The following PARD3B variants were observed in gnomAD, a reference collection of about 807,000 sequenced individuals.
PARD3B encodes the protein partitioning defective 3 homolog B.
A neutral mutation model predicts 130.2 loss-of-function variants in PARD3B; 103 were observed. That is an observed-to-expected ratio of 0.79 (90% CI 0.67 to 0.93). The LOEUF (loss-of-function observed/expected upper bound fraction) is 0.93. Ranked by LOEUF, PARD3B falls within the 40% of genes least tolerant of loss-of-function variation. The pLI is 0.00. For missense variants in PARD3B, 1,609 were observed against 1,499.2 expected, an observed-to-expected ratio of 1.07 and a Z score of -1.21; for synonymous variants, 583 against 553.2, an observed-to-expected ratio of 1.05 and a Z score of -0.76.
At chr2:205,290,358 A>G (rs2041562017) in intron 16 of PARD3B, among the ~76,000 whole-genome samples, 1 of 152,314 alleles carries the variant, frequency 6.6e-6, no homozygotes, top group South Asian at 2.1e-4. Flanking sequence ...GAGGCAGCAA[A>G]GAAAATGGGA....
At chr2:205,016,159 A>C (rs578126196) in intron 3 of PARD3B, among the ~76,000 whole-genome samples, 106 of 152,330 alleles carry the variant, frequency 7.0e-4, no homozygotes, top group Middle Eastern at 3.4e-3. Context: ...ATATTTTAAA[A>C]TATAAAAGGC....
At chr2:205,205,004 A>G (rs1392532405) in intron 15 of PARD3B, among the ~76,000 whole-genome samples, 1 of 152,186 alleles carries the variant, frequency 6.6e-6, no homozygotes, top group African/African-American at 2.4e-5. Flanking sequence ...TGGTAGCTTG[A>G]TGGGGATAGC....
In PARD3B at chr2:205,150,126, C is replaced by G. The variant is rs185153369; in HGVS notation, c.1435-8596C>G. 4.8e-3 allele frequency among the ~76,000 whole-genome samples: 728 copies of G among 152,032 alleles called. 3 individuals carry two copies. Among genetic ancestry groups the G allele is most frequent in the South Asian group, 9.4e-3 (45 of 4,812 alleles). On this transcript the variant is annotated intron_variant, in intron 10 of 22. Coordinates refer to ENST00000406610, the MANE Select transcript of PARD3B (RefSeq NM_001302769.2). ...GCTCTGGGAATCTCAAGGACAGAGCCTCTAGTGGCAAAGAATAACAAGTAA... is the reference window on the plus strand; with the variant it reads ...GCTCTGGGAATCTCAAGGACAGAGCGTCTAGTGGCAAAGAATAACAAGTAA...
intron 4 of PARD3B, among the ~76,000 whole-genome samples, chr2:205,070,345 G>GT (rs1384481434): frequency 1.3e-5 from 2 of 151,450 alleles, no homozygotes; most frequent in East Asian, 1.9e-4. Flanking sequence ...TTCTCCAGCT[G>GT]TTTTTTTAAA....
intron 18 of PARD3B, among the ~76,000 whole-genome samples, chr2:205,302,161 T>G (rs939081934): frequency 7.2e-6 from 1 of 139,374 alleles, no homozygotes; most frequent in African/African-American, 2.7e-5. Context: ...CTCCGCCTCC[T>G]GGGTTCAAGC....
At chr2:205,615,133 A>G (rs1217874988) in intron 22 of PARD3B, among the ~76,000 whole-genome samples, 1 of 152,188 alleles carries the variant, frequency 6.6e-6, no homozygotes, top group African/African-American at 2.4e-5. Context: ...TCATGCACCA[A>G]TGTGAATGGA....
At chr2:205,587,657 C>A (rs1307221548) in intron 22 of PARD3B, among the ~76,000 whole-genome samples, 15 of 152,150 alleles carry the variant, frequency 9.9e-5, no homozygotes, top group Admixed American at 9.8e-4. Flanking sequence ...AGGTATTGGG[C>A]TATTTTAGTT....
At chr2:205,543,675 T>C (rs989983870) in intron 21 of PARD3B, among the ~76,000 whole-genome samples, 12 of 152,206 alleles carry the variant, frequency 7.9e-5, no homozygotes, top group African/African-American at 2.7e-4. Context: ...ATCTCTGAAC[T>C]TTCATTTCCT....
chr2:205,267,338 A>G (rs1273693754), intron 16 of PARD3B, among the ~76,000 whole-genome samples: 1 of 142,380 alleles, frequency 7.0e-6, no homozygotes, highest in Non-Finnish European at 1.6e-5. Context: ...AAAGGCATAG[A>G]TTTCAGAGAG....
chr2:204,603,721 AG>A (rs1330249905), intron 1 of PARD3B, among the ~76,000 whole-genome samples: 2 of 152,126 alleles, frequency 1.3e-5, no homozygotes, highest in African/African-American at 4.8e-5. Context: ...GGGGACTCAC[AG>A]GGGGCACAAA....
chr2:204,575,588 G>A (rs1304391722), intron 1 of PARD3B, among the ~76,000 whole-genome samples: 2 of 152,178 alleles, frequency 1.3e-5, no homozygotes, highest in East Asian at 3.9e-4. Context: ...AATGCTTTTG[G>A]ATGATGTGGT....
intron 5 of PARD3B, among the ~76,000 whole-genome samples, chr2:205,113,259 TC>T (rs1703770824): frequency 6.6e-6 from 1 of 152,164 alleles, no homozygotes; most frequent in African/African-American, 2.4e-5. Flanking sequence ...TTCCATTTGT[TC>T]CTCTTCTAGG....
intron 2 of PARD3B, among the ~76,000 whole-genome samples, chr2:204,713,208 A>G (rs557374091): frequency 6.6e-6 from 1 of 152,202 alleles, no homozygotes; most frequent in South Asian, 2.1e-4. Flanking sequence ...GGCTAGAAGC[A>G]TAGGAGGCTA....
intron 2 of PARD3B, among the ~76,000 whole-genome samples, chr2:204,814,159 T>C (rs2043061035): frequency 6.6e-6 from 1 of 152,024 alleles, no homozygotes; most frequent in Admixed American, 6.5e-5. Flanking sequence ...ATGTTTTTAG[T>C]GTATAGATCT....
chr2:205,070,700 A>T (rs1700672886), intron 4 of PARD3B, among the ~76,000 whole-genome samples: 1 of 152,150 alleles, frequency 6.6e-6, no homozygotes, highest in Admixed American at 6.6e-5. Flanking sequence ...AAATTTGATT[A>T]TTGGGTTAAG....
chr2:204,913,983 T>TG (rs1284985385), intron 2 of PARD3B, among the ~76,000 whole-genome samples: 3 of 152,224 alleles, frequency 2.0e-5, no homozygotes, highest in Non-Finnish European at 4.4e-5. Flanking sequence ...CTTTTGCGTG[T>TG]GTGCCCTCAG....
intron 16 of PARD3B, among the ~76,000 whole-genome samples, chr2:205,254,676 T>A (rs999724593): frequency 1.3e-5 from 2 of 151,446 alleles, no homozygotes; most frequent in African/African-American, 4.9e-5. Context: ...TTTATTTTTT[T>A]TTTTTGAGAT....
chr2:205,097,516 G>C (rs987834349), intron 4 of PARD3B, among the ~76,000 whole-genome samples: 1 of 152,156 alleles, frequency 6.6e-6, no homozygotes, highest in African/African-American at 2.4e-5. Context: ...CTGAGTCTCA[G>C]ATCTGTACTA....
intron 10 of PARD3B, among the ~76,000 whole-genome samples, chr2:205,154,460 A>G (rs2033978487): frequency 6.6e-6 from 1 of 152,228 alleles, no homozygotes; most frequent in African/African-American, 2.4e-5. Context: ...ACTGTAAACT[A>G]GTTCAAACAT....
Sources: gnomAD v4.1 joint callset for allele counts (sites outside exome capture counted in the v4.1 genomes callset) on GRCh38, gnomAD v4.1.1 for gene constraint, MANE v1.5 for transcripts, NCBI Gene and HGNC (gene_info 2026-07-23, HGNC 2026-07-21) for gene names.